STAB2: variants seen among roughly 807,000 people sequenced by gnomAD.
STAB2 encodes stabilin 2.
STAB2 carries 288 observed loss-of-function variants against 338.1 expected under a neutral mutation model. That is an observed-to-expected ratio of 0.85 (90% CI 0.77 to 0.94). The LOEUF (loss-of-function observed/expected upper bound fraction) is 0.94. STAB2 is among the 40% of genes least tolerant of loss of function. The pLI is 0.00. For missense variants in STAB2, 3,141 were observed against 3,210.1 expected (o/e 0.98, Z 0.52); for synonymous variants, 1,202 against 1,193.3 (o/e 1.01, Z -0.15).
chr12:103,652,905 T>G (rs942664271), intron 12 of STAB2, among the ~76,000 whole-genome samples, 200 bp downstream of exon 12: 1 of 152,228 alleles, frequency 6.6e-6, no homozygotes, highest in Non-Finnish European at 1.5e-5. Flanking sequence ...TGGAGTGTTA[T>G]GCAAATGGGG....
chr12:103,626,979 T>G (rs1252553982), intron 5 of STAB2, among the ~76,000 whole-genome samples: 1 of 152,158 alleles, frequency 6.6e-6, no homozygotes, highest in Non-Finnish European at 1.5e-5. Flanking sequence ...CACACAACCA[T>G]GTACTGTTAA....
chr12:103,733,778 CAT>C (rs1408582525), intron 51 of STAB2, among the ~76,000 whole-genome samples: 1 of 151,898 alleles, frequency 6.6e-6, no homozygotes, highest in South Asian at 2.1e-4. Context: ...CATATAGGAA[CAT>C]ATATGATCAT....
At chr12:103,642,936 C>T (rs908758378) in intron 9 of STAB2, among the ~76,000 whole-genome samples, 4 of 152,202 alleles carry the variant, frequency 2.6e-5, no homozygotes, top group Non-Finnish European at 5.9e-5. Flanking sequence ...TATACCCTTG[C>T]CTCAGGTTCT....
chr12:103,739,158 T>C (rs993914767), intron 53 of STAB2, among the ~76,000 whole-genome samples: 1 of 151,556 alleles, frequency 6.6e-6, no homozygotes, highest in African/African-American at 2.4e-5. Flanking sequence ...TTTTTTTTTT[T>C]TACAGTTGGA....
At chr12:103,751,279 C>T (rs1345880553) in intron 60 of STAB2, among the ~76,000 whole-genome samples, 1 of 152,090 alleles carries the variant, frequency 6.6e-6, no homozygotes, top group Non-Finnish European at 1.5e-5. Flanking sequence ...GCCAGGACAG[C>T]ATGGCCAGGA....
intron 3 of STAB2, among the ~76,000 whole-genome samples, chr12:103,608,305 A>T (rs1957065565): frequency 1.3e-5 from 2 of 150,308 alleles, no homozygotes; most frequent in South Asian, 4.2e-4. Context: ...AGCCTAGCTA[A>T]TTTTTTTTTT....
At chr12:103,663,674 C>T (rs1050281156) in intron 18 of STAB2, among the ~76,000 whole-genome samples, 25 of 152,100 alleles carry the variant, frequency 1.6e-4, no homozygotes, top group Admixed American at 2.6e-4. Flanking sequence ...ATAAGGACAT[C>T]GATCATTATA....
intron 17 of STAB2, 149 bp from the exon 18 acceptor site, chr12:103,662,697 C>T: frequency 1.1e-6 from 1 of 875,510 alleles, no homozygotes; most frequent in South Asian, 1.9e-5. Flanking sequence ...CAGCCAAACC[C>T]TTATAATAGC....
At chr12:103,696,347 A>G (rs1878406866) in intron 33 of STAB2, among the ~76,000 whole-genome samples, 1 of 152,114 alleles carries the variant, frequency 6.6e-6, no homozygotes, top group South Asian at 2.1e-4. Flanking sequence ...CAATATAAAC[A>G]TGGAAGTGAA....
chr12:103,758,376 C>A, intron 64 of STAB2, 87 bp downstream of exon 64: 1 of 1,579,964 alleles, frequency 6.3e-7, no homozygotes, highest in Non-Finnish European at 8.6e-7. Context: ...CCTGAAAACT[C>A]AGTGGCTACA....
rs1396549852 is a variant in STAB2, at chr12:103,735,489, A to G, written c.5461-2A>G. On this transcript the variant is annotated splice_acceptor_variant, in intron 51 of 68. Transcript: ENST00000388887. LOFTEE classifies it high-confidence loss of function. ...AGTCACGTGGTGCCATCACTCCTAC[A>G]GGTTTTAGCTGTGGATCTTCCCACA... is the stretch of plus-strand genomic sequence containing the variant. The G allele has an allele frequency of 6.2e-7, 1 of 1,602,626 alleles. No homozygotes were observed.
chr12:103,715,206 T>C (rs1880206446), intron 42 of STAB2, among the ~76,000 whole-genome samples: 1 of 152,214 alleles, frequency 6.6e-6, no homozygotes, highest in African/African-American at 2.4e-5. Context: ...ACAAGTGATA[T>C]TGCATCTGTC....
At chr12:103,712,201 G>C (rs1879923548) in intron 40 of STAB2, among the ~76,000 whole-genome samples, 166 bp from the exon 41 acceptor site, 1 of 152,174 alleles carries the variant, frequency 6.6e-6, no homozygotes, top group African/African-American at 2.4e-5. Flanking sequence ...AGCTGCTTGT[G>C]GTGGGGTTAT....
intron 40 of STAB2, 120 bp from the exon 41 acceptor site, chr12:103,712,247 G>A (rs922927592): frequency 4.8e-5 from 38 of 792,926 alleles, no homozygotes; most frequent in Non-Finnish European, 2.7e-5. Context: ...CCTTAGGCAG[G>A]ACTTATGAGT....
At position 103,720,305 on chromosome 12, in the gene STAB2, T is replaced by G. The variant is rs115574510; in HGVS notation, c.4683+2464T>G. On this transcript the variant is annotated intron_variant, in intron 44 of 68. Coordinates refer to ENST00000388887, the MANE Select transcript of STAB2 (RefSeq NM_017564.10). The stretch of plus-strand genomic sequence containing the variant: ...ATTCTGAAGGTCTTTTGCTACTCTA[T>G]CTCAGCAGCATATTCCCATGGGAAT... Among the ~76,000 whole-genome samples, 604 of 152,276 alleles carry G rather than the reference T, an allele frequency of 4.0e-3. 1 individual carries two copies. The highest frequency in any genetic ancestry group is 0.014 in the African/African-American group (576 of 41,550).
chr12:103,674,125 T>G, intron 23 of STAB2, 38 bp downstream of exon 23: 1 of 1,585,716 alleles, frequency 6.3e-7, no homozygotes, highest in Non-Finnish European at 8.6e-7. Context: ...TGACGCTGAG[T>G]CATTAAGTGT....
chr12:103,653,749 T>TGGAC (rs1873952713), intron 12 of STAB2, among the ~76,000 whole-genome samples: 1 of 148,388 alleles, frequency 6.7e-6, no homozygotes, highest in African/African-American at 2.5e-5. Flanking sequence ...GATGGATGAA[T>TGGAC]GGATGGATGG....
In STAB2 at chr12:103,761,336, C is replaced by T; in HGVS notation, c.7285C>T (p.Gln2429Ter). The change falls in exon 66 of 69, where the codon CAG (glutamine) becomes TAG (stop). Residue 2429 changes from glutamine to a stop codon, truncating the protein, a stop_gained. Coordinates refer to ENST00000388887, the MANE Select transcript of STAB2 (RefSeq NM_017564.10). LOFTEE classifies it high-confidence loss of function. ...TRFVDGRAIL[Q>*]WDIFASNGII... ...GTTTGTTGATGGAAGAGCCATTCTGCAGTGGGACATCTTTGCCTCCAATGG... is the reference window on the plus strand; with the variant it reads ...GTTTGTTGATGGAAGAGCCATTCTGTAGTGGGACATCTTTGCCTCCAATGG... 1 of 1,614,112 alleles carries T rather than the reference C, an allele frequency of 6.2e-7. No individual in the cohort carries two copies. Among genetic ancestry groups the T allele is most frequent in the Non-Finnish European group, 8.5e-7 (1 of 1,180,000 alleles).
chr12:103,715,716 C>T (rs1437536468), intron 42 of STAB2, 99 bp from the exon 43 acceptor site: 1 of 1,349,318 alleles, frequency 7.4e-7, no homozygotes, highest in East Asian at 2.3e-5. Flanking sequence ...GACACCCGCT[C>T]CCTTCAGTCA....
Sources: gnomAD v4.1 joint callset for allele counts (sites outside exome capture counted in the v4.1 genomes callset) on GRCh38, gnomAD v4.1.1 for gene constraint, MANE v1.5 for transcripts, NCBI Gene and HGNC (gene_info 2026-07-23, HGNC 2026-07-21) for gene names.